The following MAN2B2 variants were observed in gnomAD, a reference collection of about 807,000 sequenced individuals.
The protein encoded by MAN2B2 is epididymis-specific alpha-mannosidase.
In MAN2B2, 106 loss-of-function variants were observed where a neutral mutation model predicts 117.1. The ratio of observed to expected loss-of-function variants is 0.90; its 90% confidence interval spans 0.77 to 1.06. MAN2B2 has a LOEUF of 1.06. MAN2B2 is among the 50% of genes least tolerant of loss of function. The pLI is 0.00. For synonymous variants in MAN2B2, 544 were observed against 595.1 expected, an observed-to-expected ratio of 0.91 and a Z score of 1.25; for missense variants, 1,326 against 1,381.4, an observed-to-expected ratio of 0.96 and a Z score of 0.64.
chr4:6,597,507 G>C (rs150722718), intron 8 of MAN2B2, among the ~76,000 whole-genome samples: 3 of 152,362 alleles, frequency 2.0e-5, no homozygotes, highest in African/African-American at 7.2e-5. Flanking sequence ...CATCCAGCTG[G>C]TGGCCTCATT....
intron 12 of MAN2B2, 148 bp from the exon 13 acceptor site, chr4:6,609,650 G>T: frequency 2.0e-6 from 2 of 999,738 alleles, no homozygotes; most frequent in Non-Finnish European, 3.0e-6. Flanking sequence ...GTCCTGGGTG[G>T]TGCTATTGTC....
Position 6,605,200 on chromosome 4 carries a change from C to A in MAN2B2, c.1685C>A (p.Thr562Asn), listed in dbSNP as rs1331641289. The A allele has an allele frequency of 1.2e-6, 2 of 1,614,216 alleles. No individual in the cohort carries two copies. The highest frequency in any genetic ancestry group is 1.6e-4 in the Middle Eastern group (1 of 6,062). ...TQEPAATVAS[T>N]LQFGRRLRRR... is the part of the protein sequence containing the mutation. Reference sequence around the variant, plus strand: ...GAGCCGGCTGCCACTGTGGCGAGCACCCTTCAATTTGGCCGCAGGCTGAGG... The same window carrying A: ...GAGCCGGCTGCCACTGTGGCGAGCAACCTTCAATTTGGCCGCAGGCTGAGG... Residue 562 changes from threonine to asparagine, a missense_variant, in exon 11 of 19, where the codon ACC becomes AAC. Transcript: ENST00000285599.
At chr4:6,606,780 G>A (rs1480360753) in intron 11 of MAN2B2, among the ~76,000 whole-genome samples, 1 of 152,222 alleles carries the variant, frequency 6.6e-6, no homozygotes, top group Non-Finnish European at 1.5e-5. Flanking sequence ...CCTGGGGCCA[G>A]GCCCCAGGCC....
intron 3 of MAN2B2, 47 bp downstream of exon 3, chr4:6,578,545 G>T (rs756665931): frequency 6.6e-7 from 1 of 1,521,568 alleles, no homozygotes; most frequent in Admixed American, 1.8e-5. Flanking sequence ...GACCTCCAGT[G>T]GGGCTGGGAC....
At chr4:6,577,092 G>A (rs887652231) in intron 2 of MAN2B2, among the ~76,000 whole-genome samples, 7 of 152,124 alleles carry the variant, frequency 4.6e-5, no homozygotes, top group Admixed American at 3.3e-4. Context: ...CCTGGCCCCC[G>A]GGCCCAGGGT....
chr4:6,581,024 G>A lies in MAN2B2; in HGVS notation c.391+2526G>A, dbSNP rs915712366. On this transcript the variant is annotated intron_variant, in intron 3 of 18. Transcript: ENST00000285599. ...AAGCTCATGGGGCCCTCAGGGTACA[G>A]ACATGTGGGTTTCTTTCATGATAAC... Among the ~76,000 whole-genome samples the A allele has an allele frequency of 3.9e-5, 6 of 152,220 alleles. No individual in the cohort carries two copies. The East Asian group carries it at 1.2e-3, about 29-fold the overall frequency.
In MAN2B2 at chr4:6,600,524, A is replaced by T. The variant is rs1560651684; in HGVS notation, c.1406-99A>T. On this transcript the variant is annotated intron_variant, in intron 9 of 18. Transcript: ENST00000285599. Reference sequence around the variant, plus strand: ...TGGGAGTTCTGGAGGGCTGCATCTCACCTACCTCAGTTTCCCTCATACTGA... The same window carrying T: ...TGGGAGTTCTGGAGGGCTGCATCTCTCCTACCTCAGTTTCCCTCATACTGA... 1.1e-5 allele frequency: 16 copies of T among 1,428,018 alleles called. 1 individual carries two copies. The South Asian group carries it at 2.0e-4, about 18-fold the overall frequency. The allele number at this position is 1,428,018 out of a possible 1,614,324, so 88.5% of individuals were successfully genotyped here. A position where few individuals can be genotyped will look rare whatever the true frequency, so the allele number is the denominator to read the frequency against.
Position 6,600,638 on chromosome 4 carries a change from G to A in MAN2B2, c.1421G>A (p.Gly474Glu). ...MAASSDAGPA[G>E]HFASVYNPLA... is the part of the protein sequence containing the mutation. ...CTGTGTGCAGATGCAGGACCTGCAG[G>A]ACATTTTGCCTCGGTCTACAACCCG... The change falls in exon 10 of 19, where the codon GGA (glycine) becomes GAA (glutamate). Residue 474 changes from glycine (G) to glutamate (E), a missense_variant. Coordinates refer to ENST00000285599, the MANE Select transcript of MAN2B2 (RefSeq NM_015274.3). 1 of 1,613,898 alleles carries A rather than the reference G, an allele frequency of 6.2e-7. No homozygotes were observed. Among genetic ancestry groups the A allele is most frequent in the African/African-American group, 1.3e-5 (1 of 75,060 alleles).
intron 15 of MAN2B2, among the ~76,000 whole-genome samples, chr4:6,613,644 GAA>G (rs1711689921): frequency 7.2e-6 from 1 of 139,648 alleles, no homozygotes; most frequent in South Asian, 2.5e-4. Flanking sequence ...GGAGGGAAAA[GAA>G]GAGAGGGATG....
chr4:6,599,221 C>T (rs1351195814), intron 9 of MAN2B2, among the ~76,000 whole-genome samples: 5 of 152,150 alleles, frequency 3.3e-5, no homozygotes, highest in Non-Finnish European at 5.9e-5. Flanking sequence ...CCTCAGCCTC[C>T]CAAGTAGCTG....
chr4:6,620,978 G>T (rs919799716), intron 18 of MAN2B2: 15 of 542,082 alleles, frequency 2.8e-5, no homozygotes, highest in Non-Finnish European at 3.0e-5. Flanking sequence ...GATGCCATAG[G>T]CCGTTGCCAC....
rs1381783824 is a variant in MAN2B2, at chr4:6,620,146, T to C, written c.2932+102T>C. 4 of 939,424 alleles carry C rather than the reference T, an allele frequency of 4.3e-6. No homozygotes were observed. In the African/African-American group the frequency reaches 6.6e-5, roughly 16 times the overall value. 58.2% of individuals were successfully genotyped at this position (939,424 alleles called of 1,614,324 possible). On this transcript the variant is annotated intron_variant, in intron 18 of 18. Transcript: ENST00000285599. Reference sequence around the variant, plus strand: ...CCAACCATCTGCCTGTCCCGGCCTGTGCGACCTTGCGAGGCTGCTTTCCTA... The same window carrying C: ...CCAACCATCTGCCTGTCCCGGCCTGCGCGACCTTGCGAGGCTGCTTTCCTA...
At chr4:6,575,659 G>A (rs1412896621) in intron 1 of MAN2B2, among the ~76,000 whole-genome samples, 2 of 152,222 alleles carry the variant, frequency 1.3e-5, no homozygotes, top group African/African-American at 2.4e-5. Flanking sequence ...GGAGAGGGTG[G>A]GGCTGGCTTC....
chr4:6,589,343 C>T (rs1261026603), intron 5 of MAN2B2, among the ~76,000 whole-genome samples, 183 bp downstream of exon 5: 3 of 152,160 alleles, frequency 2.0e-5, no homozygotes, highest in South Asian at 2.1e-4. Context: ...TGGGTTCAAG[C>T]GATTCTTCTG....
intron 2 of MAN2B2, among the ~76,000 whole-genome samples, chr4:6,577,146 G>A (rs1482652142): frequency 6.6e-6 from 1 of 152,094 alleles, no homozygotes; most frequent in East Asian, 1.9e-4. Flanking sequence ...GTGGTTTGAG[G>A]GTAGGCAGCA....
At chr4:6,600,523 C>A in intron 9 of MAN2B2, 100 bp from the exon 10 acceptor site, 1 of 1,421,642 alleles carries the variant, frequency 7.0e-7, no homozygotes, top group Admixed American at 1.8e-5. Context: ...GGCTGCATCT[C>A]ACCTACCTCA....
chr4:6,606,833 C>T (rs1727567224), intron 11 of MAN2B2, among the ~76,000 whole-genome samples: 1 of 152,198 alleles, frequency 6.6e-6, no homozygotes, highest in African/African-American at 2.4e-5. Flanking sequence ...AGGAGACAGC[C>T]TGTGCAGAGG....
chr4:6,584,959 C>G (rs192723052), intron 3 of MAN2B2, among the ~76,000 whole-genome samples: 15 of 152,260 alleles, frequency 9.9e-5, no homozygotes, highest in African/African-American at 3.4e-4. Context: ...GGTGCGAGGC[C>G]GTACCCTCCA....
chr4:6,596,206 A>G (rs1248181689), intron 7 of MAN2B2, among the ~76,000 whole-genome samples: 3 of 151,588 alleles, frequency 2.0e-5, no homozygotes, highest in East Asian at 3.9e-4. Context: ...TGGGCGTGGT[A>G]TCCAGGCGGG....
Sources: gnomAD v4.1 joint callset for allele counts (sites outside exome capture counted in the v4.1 genomes callset) on GRCh38, gnomAD v4.1.1 for gene constraint, MANE v1.5 for transcripts, NCBI Gene and HGNC (gene_info 2026-07-23, HGNC 2026-07-21) for gene names.